NRG3: variants seen among roughly 807,000 people sequenced by gnomAD.
The protein encoded by NRG3 is pro-neuregulin-3, membrane-bound isoform.
NRG3 carries 31 observed loss-of-function variants against 66.9 expected under a neutral mutation model. The observed-to-expected ratio is 0.46, with a 90% CI of 0.35 to 0.63. The LOEUF is 0.63. NRG3 is among the 20% of genes least tolerant of loss of function. NRG3 has a pLI of 0.00. For synonymous variants in NRG3, 393 were observed against 359.4 expected, an observed-to-expected ratio of 1.09 and a Z score of -1.06; for missense variants, 910 against 878.9, an observed-to-expected ratio of 1.04 and a Z score of -0.45.
intron 2 of NRG3, among the ~76,000 whole-genome samples, chr10:82,735,110 A>G (rs910380911): frequency 6.6e-6 from 1 of 152,200 alleles, no homozygotes; most frequent in Non-Finnish European, 1.5e-5. Context: ...CAAATCCTTT[A>G]TCTCAAAGTA....
At chr10:82,160,829 CATGA>C (rs1428547640) in intron 1 of NRG3, among the ~76,000 whole-genome samples, 10 of 151,840 alleles carry the variant, frequency 6.6e-5, no homozygotes, top group Non-Finnish European at 1.3e-4. Context: ...AGTACTGGCA[CATGA>C]ATGAACAGCA....
intron 2 of NRG3, among the ~76,000 whole-genome samples, chr10:82,447,032 T>A (rs565461454): frequency 2.5e-4 from 38 of 152,240 alleles, no homozygotes; most frequent in Admixed American, 2.1e-3. Flanking sequence ...GAGACAGTAA[T>A]TAGGAGTTTT....
At chr10:82,177,079 G>A (rs938999494) in intron 1 of NRG3, among the ~76,000 whole-genome samples, 8 of 151,832 alleles carry the variant, frequency 5.3e-5, no homozygotes, top group African/African-American at 1.9e-4. Context: ...TACCTCTCCG[G>A]GTTGTGAAGA....
intron 1 of NRG3, among the ~76,000 whole-genome samples, chr10:81,930,893 T>G (rs1847280223): frequency 6.6e-6 from 1 of 152,232 alleles, no homozygotes; most frequent in Non-Finnish European, 1.5e-5. Context: ...TGCTGGGGTC[T>G]GTCTGGAACT....
In NRG3 at chr10:82,081,491, A is replaced by G. The variant is rs184559708; in HGVS notation, c.823+205328A>G. Among the ~76,000 whole-genome samples, 3 of 152,260 alleles carry G rather than the reference A, an allele frequency of 2.0e-5. 1 individual carries two copies. The highest frequency in any genetic ancestry group is 2.0e-4 in the Admixed American group (3 of 15,298). On this transcript the variant is annotated intron_variant, in intron 1 of 8. Coordinates refer to ENST00000372141, the MANE Select transcript of NRG3 (RefSeq NM_001010848.4). ...CTGCCGCAATCTGGCCTCACTCAAC[A>G]TGTAGCAAATGCCAGAATGATAGAT...
chr10:82,984,734 T>C, intron 8 of NRG3: 2 of 1,546,482 alleles, frequency 1.3e-6, no homozygotes, highest in South Asian at 2.4e-5. Flanking sequence ...TTTGTCACAA[T>C]GGAAAGGCCA....
At position 82,473,592 on chromosome 10, in the gene NRG3, A is replaced by G. The variant is rs1841477211; in HGVS notation, c.953+114724A>G. 2.6e-5 allele frequency among the ~76,000 whole-genome samples: 4 copies of G among 152,202 alleles called. No homozygotes were observed. In the South Asian group the frequency reaches 8.3e-4, roughly 31 times the overall value. On this transcript the variant is annotated intron_variant, in intron 2 of 8. Transcript: ENST00000372141. ...ACCCAATCATGGAAAAGCCACATTC[A>G]AAATGATGGGGAGCTTTGTGGCATT...
chr10:82,316,406 GA>G (rs1287806704), intron 1 of NRG3, among the ~76,000 whole-genome samples: 2 of 152,120 alleles, frequency 1.3e-5, no homozygotes, highest in African/African-American at 4.8e-5. Flanking sequence ...CAGTCCTGTT[GA>G]AAACCCTGAT....
intron 2 of NRG3, among the ~76,000 whole-genome samples, chr10:82,677,969 C>T (rs1438550446): frequency 1.3e-5 from 2 of 152,150 alleles, no homozygotes; most frequent in African/African-American, 4.8e-5. Context: ...GCCACATGCA[C>T]GGTGTGTTTA....
chr10:82,461,690 A>G (rs1564948793), intron 2 of NRG3, among the ~76,000 whole-genome samples: 3 of 152,142 alleles, frequency 2.0e-5, no homozygotes, highest in African/African-American at 7.2e-5. Context: ...CTTTTACTCT[A>G]TTTTGGCAAC....
chr10:82,043,252 G>A (rs552157888), intron 1 of NRG3, among the ~76,000 whole-genome samples: 1 of 152,118 alleles, frequency 6.6e-6, no homozygotes, highest in Non-Finnish European at 1.5e-5. Flanking sequence ...TATATTGATA[G>A]TACCTGAGAG....
intron 1 of NRG3, among the ~76,000 whole-genome samples, chr10:82,079,140 G>A (rs936934174): frequency 1.3e-5 from 2 of 151,862 alleles, no homozygotes; most frequent in Non-Finnish European, 2.9e-5. Flanking sequence ...CGCCTCCCGG[G>A]TTCAAGTGAT....
chr10:82,846,110 A>G lies in NRG3; in HGVS notation c.1028-19301A>G, dbSNP rs560518132. 1.5e-4 allele frequency among the ~76,000 whole-genome samples: 23 copies of G among 152,242 alleles called. 1 individual carries two copies. The highest frequency in any genetic ancestry group is 1.5e-3 in the Admixed American group (23 of 15,278). On this transcript the variant is annotated intron_variant, in intron 3 of 8. Coordinates refer to ENST00000372141, the MANE Select transcript of NRG3 (RefSeq NM_001010848.4). Reference sequence around the variant, plus strand: ...ATTTTCATCCTGTTTCATGGGTGGGATTATAGACTCAGGACAACTTAGAGA... The same window carrying G: ...ATTTTCATCCTGTTTCATGGGTGGGGTTATAGACTCAGGACAACTTAGAGA...
At chr10:82,814,625 C>A in intron 3 of NRG3, among the ~76,000 whole-genome samples, 1 of 152,164 alleles carries the variant, frequency 6.6e-6, no homozygotes, top group East Asian at 1.9e-4. Context: ...AACATTTCAT[C>A]CTGTAAAGCC....
At chr10:82,053,718 A>G (rs952852504) in intron 1 of NRG3, among the ~76,000 whole-genome samples, 10 of 152,224 alleles carry the variant, frequency 6.6e-5, no homozygotes, top group African/African-American at 2.4e-4. Context: ...ATAAAATCAT[A>G]AGTGAAATAA....
intron 2 of NRG3, among the ~76,000 whole-genome samples, chr10:82,645,952 A>G (rs905566137): frequency 2.6e-5 from 4 of 152,188 alleles, no homozygotes; most frequent in African/African-American, 9.7e-5. Flanking sequence ...AACATATTTC[A>G]GTAGCAGCTA....
intron 1 of NRG3, among the ~76,000 whole-genome samples, chr10:81,964,671 C>T (rs1429368998): frequency 6.6e-6 from 1 of 152,202 alleles, no homozygotes; most frequent in Non-Finnish European, 1.5e-5. Context: ...AAAGATACTA[C>T]TGCCAGACTG....
rs201611752 is a variant in NRG3, at chr10:82,985,430, G to A, written c.1916G>A (p.Arg639Gln). The stretch of plus-strand genomic sequence containing the variant: ...CTAGAAACTGTCCAGGAGCAGATCC[G>A]AATTCTGACTGATGCCAGACGGTCA... ...ILLETVQEQI[R>Q]ILTDARRSED... Residue 639 changes from arginine to glutamine, a missense_variant, in exon 9 of 9, where the codon CGA (arginine) becomes CAA (glutamine). Arg to Gln is a conservative substitution (Grantham distance 43). Coordinates refer to ENST00000372141, the MANE Select transcript of NRG3 (RefSeq NM_001010848.4). 1.5e-5 allele frequency: 24 copies of A among 1,613,984 alleles called. No homozygotes were observed. Among genetic ancestry groups the A allele is most frequent in the Middle Eastern group, 1.6e-4 (1 of 6,084 alleles).
chr10:81,877,975 A>C lies in NRG3; in HGVS notation c.823+1812A>C, dbSNP rs1194123518. ...TTGATAGAATAATGGAGTGTGGTATACCTCCAACCCTTGTATGCGTTGGGA... is the reference window on the plus strand; with the variant it reads ...TTGATAGAATAATGGAGTGTGGTATCCCTCCAACCCTTGTATGCGTTGGGA... On this transcript the variant is annotated intron_variant, in intron 1 of 8. Transcript: ENST00000372141. 2.6e-6 allele frequency: 4 copies of C among 1,537,464 alleles called. No individual in the cohort carries two copies. The South Asian group carries it at 4.8e-5, about 18-fold the overall frequency.
Sources: allele counts gnomAD v4.1 joint callset (sites outside exome capture counted in the v4.1 genomes callset), GRCh38; gene constraint gnomAD v4.1.1; transcripts MANE v1.5; gene names NCBI Gene and HGNC (gene_info 2026-07-23, HGNC 2026-07-21).